The following EFEMP2 variants were observed in gnomAD, a reference collection of about 807,000 sequenced individuals.
EFEMP2 encodes the protein EGF-like fibulin extracellular matrix protein 2, also known as EGF-containing fibulin-like extracellular matrix protein 2.
A neutral mutation model predicts 55.3 loss-of-function variants in EFEMP2; 21 were observed. That is an observed-to-expected ratio of 0.38 (90% CI 0.27 to 0.55). The LOEUF (loss-of-function observed/expected upper bound fraction) is 0.55. Among genes scored for constraint, EFEMP2 ranks in the 20% least tolerant of loss-of-function variants. The pLI, the probability that EFEMP2 is intolerant of heterozygous loss-of-function variation, is 0.77. For synonymous variants in EFEMP2, 275 were observed against 242.3 expected (o/e 1.14, Z -1.25); for missense variants, 513 against 615.1 (o/e 0.83, Z 1.76).
intron 4 of EFEMP2, 103 bp from the exon 5 acceptor site, chr11:65,870,761 G>C (rs1045672378): frequency 1.7e-5 from 27 of 1,563,434 alleles, no homozygotes; most frequent in African/African-American, 2.7e-5. Flanking sequence ...GCACGCGTAA[G>C]AGTTCACCAG....
chr11:65,867,988 A>G lies in EFEMP2; in HGVS notation c.1043T>C (p.Met348Thr), dbSNP rs767935757. 2 of 1,614,096 alleles carry G rather than the reference A, an allele frequency of 1.2e-6. No homozygotes were observed. Among genetic ancestry groups the G allele is most frequent in the South Asian group, 1.1e-5 (1 of 91,088 alleles). ...CACGCTCCGCTCCGAGGTGATGGTC[A>G]TGTAGCGGTGCACAATGGATGAAGG... ...EQPSSIVHRY[M>T]TITSERSVPA... Residue 348 changes from methionine (M) to threonine (T), a missense_variant, in exon 10 of 11, where the codon ATG becomes ACG. Coordinates refer to ENST00000307998, the MANE Select transcript of EFEMP2 (RefSeq NM_016938.5).
intron 4 of EFEMP2, 29 bp downstream of exon 4, chr11:65,871,128 A>G (rs1859957476): frequency 6.2e-7 from 1 of 1,612,840 alleles, no homozygotes. Context: ...GAGGACTGGA[A>G]GCCAGGCACC....
chr11:65,870,426 G>A, intron 5 of EFEMP2, 110 bp downstream of exon 5: 2 of 1,537,974 alleles, frequency 1.3e-6, no homozygotes, highest in Non-Finnish European at 1.8e-6. Context: ...CGGAGGGTGA[G>A]GTGGCAGGGG....
chr11:65,870,726 A>G, intron 4 of EFEMP2, 68 bp from the exon 5 acceptor site: 2 of 1,609,838 alleles, frequency 1.2e-6, no homozygotes, highest in East Asian at 4.5e-5. Flanking sequence ...GATAGTTCCA[A>G]CACTTGTATT....
intron 9 of EFEMP2, 89 bp from the exon 10 acceptor site, chr11:65,868,145 G>T: frequency 6.4e-7 from 1 of 1,562,362 alleles, no homozygotes; most frequent in Middle Eastern, 2.2e-4. Flanking sequence ...ATCCCAAAAG[G>T]ACCCTTCTAC....
At position 65,866,867 on chromosome 11, in the gene EFEMP2, A is replaced by G. The variant is rs773616908; in HGVS notation, c.*51T>C. The stretch of plus-strand genomic sequence containing the variant: ...TGCCTTTCTCATTCTGCCCCTCACA[A>G]CAGGCTCCTCAGCTAGGGTAGCTGC... On this transcript the variant is annotated 3_prime_UTR_variant, in exon 11 of 11. Transcript: ENST00000307998. 1 of 1,608,704 alleles carries G rather than the reference A, an allele frequency of 6.2e-7. No individual in the cohort carries two copies. The highest frequency in any genetic ancestry group is 1.1e-5 in the South Asian group (1 of 90,760).
chr11:65,872,542 C>G, intron 1 of EFEMP2, 141 bp downstream of exon 1: 1 of 476,514 alleles, frequency 2.1e-6, no homozygotes, highest in Non-Finnish European at 3.7e-6. Context: ...CCCAGGCCCA[C>G]CCGCCCCGGC....
chr11:65,870,941 T>G (rs1435695635), intron 4 of EFEMP2: 12 of 715,878 alleles, frequency 1.7e-5, no homozygotes, highest in Non-Finnish European at 2.6e-5. Context: ...CTTCCTGCAG[T>G]GTCTCTGCAG....
intron 2 of EFEMP2, 41 bp downstream of exon 2, chr11:65,872,203 T>C: frequency 1.3e-6 from 2 of 1,533,730 alleles, no homozygotes; most frequent in East Asian, 2.4e-5. Flanking sequence ...TCTTCCTCCC[T>C]ACCCTTCCTG....
At position 65,872,452 on chromosome 11, in the gene EFEMP2, C is replaced by A. The variant is rs1019623554; in HGVS notation, c.-7-91G>T. On this transcript the variant is annotated intron_variant, in intron 1 of 10. Transcript: ENST00000307998. Reference sequence around the variant, plus strand: ...CCCGAGCCCAGCCCCCGCCACTGCCCGCTCAGGACCGTGCTTGGGCCTCGG... The same window carrying A: ...CCCGAGCCCAGCCCCCGCCACTGCCAGCTCAGGACCGTGCTTGGGCCTCGG... The A allele has an allele frequency of 1.5e-5, 13 of 883,304 alleles. No individual in the cohort carries two copies. In the Admixed American group the frequency reaches 1.9e-4, roughly 13 times the overall value. The allele number at this position is 883,304 out of a possible 1,614,324, so 54.7% of individuals were successfully genotyped here.
At chr11:65,870,420 G>T in intron 5 of EFEMP2, 116 bp downstream of exon 5, 2 of 1,523,362 alleles carry the variant, frequency 1.3e-6, no homozygotes, top group South Asian at 2.3e-5. Flanking sequence ...TGATGACGGA[G>T]GGTGAGGTGG....
At chr11:65,871,882 G>T in intron 3 of EFEMP2, 88 bp downstream of exon 3, 1 of 1,502,240 alleles carries the variant, frequency 6.7e-7, no homozygotes, top group Non-Finnish European at 9.1e-7. Context: ...TCCCACGGCA[G>T]TTCTTGGAGG....
intron 7 of EFEMP2, 122 bp from the exon 8 acceptor site, chr11:65,868,751 G>T: frequency 7.2e-7 from 1 of 1,383,122 alleles, no homozygotes; most frequent in Non-Finnish European, 1.0e-6. Flanking sequence ...AGAGGGGGAT[G>T]AGACAAGCCA....
rs769127200 is a variant in EFEMP2 at position 65,867,975 on chromosome 11, C to T, written c.1056G>A (p.Ser352=). Residue 352 remains serine, a synonymous_variant, in exon 10 of 11, where the codon TCG becomes TCA. Transcript: ENST00000307998. The part of the protein sequence containing the change: ...SIVHRYMTIT[S]ERSVPADVFQ... Reference sequence around the variant, plus strand: ...ACACGTCAGCGGGCACGCTCCGCTCCGAGGTGATGGTCATGTAGCGGTGCA... The same window carrying T: ...ACACGTCAGCGGGCACGCTCCGCTCTGAGGTGATGGTCATGTAGCGGTGCA... The T allele has an allele frequency of 2.7e-5, 43 of 1,614,054 alleles. No homozygotes were observed. In the South Asian group the frequency reaches 4.2e-4, roughly 16 times the overall value.
At position 65,872,401 on chromosome 11, in the gene EFEMP2, G is replaced by A. The variant is rs759308053; in HGVS notation, c.-7-40C>T. 4.3e-6 allele frequency: 6 copies of A among 1,402,076 alleles called. 1 individual carries two copies. The highest frequency in any genetic ancestry group is 2.5e-5 in the South Asian group (2 of 80,920). 86.9% of individuals were successfully genotyped at this position (1,402,076 alleles called of 1,614,324 possible). A position where few individuals can be genotyped will look rare whatever the true frequency, so the allele number is the denominator to read the frequency against. On this transcript the variant is annotated intron_variant, in intron 1 of 10. Coordinates refer to ENST00000307998, the MANE Select transcript of EFEMP2 (RefSeq NM_016938.5). ...ACACGGGTCAGGGGCCTCTGCCCGC[G>A]GCACCTCAACTCCCTGTACCGGGAG...
At chr11:65,870,379 C>T (rs1859944664) in intron 5 of EFEMP2, 142 bp from the exon 6 acceptor site, 1 of 1,420,706 alleles carries the variant, frequency 7.0e-7, no homozygotes, top group Non-Finnish European at 9.8e-7. Context: ...AGGACACCTC[C>T]CAAACACTCC....
rs1859957675 is a variant in EFEMP2 at position 65,871,147 on chromosome 11, C to T, written c.367+10G>A. 1 of 1,613,996 alleles carries T rather than the reference C, an allele frequency of 6.2e-7. No individual in the cohort carries two copies. The highest frequency in any genetic ancestry group is 8.5e-7 in the Non-Finnish European group (1 of 1,179,990). Reference sequence around the variant, plus strand: ...ACTGGAAGCCAGGCACCAGAGCAGTCCCCACTCACCCACACAGCTGTCCTG... The same window carrying T: ...ACTGGAAGCCAGGCACCAGAGCAGTTCCCACTCACCCACACAGCTGTCCTG... On this transcript the variant is annotated intron_variant, in intron 4 of 10. Transcript: ENST00000307998.
chr11:65,869,877 C>T lies in EFEMP2; in HGVS notation c.707G>A (p.Arg236Gln), dbSNP rs1859933484. 7 of 1,614,010 alleles carry T rather than the reference C, an allele frequency of 4.3e-6. No individual in the cohort carries two copies. The highest frequency in any genetic ancestry group is 5.1e-6 in the Non-Finnish European group (6 of 1,180,008). Residue 236 changes from arginine (R) to glutamine (Q), a missense_variant, in exon 7 of 11, where the codon CGG (arginine) becomes CAG (glutamine). By Grantham distance (43) the Arg-to-Gln change is conservative. Coordinates refer to ENST00000307998, the MANE Select transcript of EFEMP2 (RefSeq NM_016938.5). Reference protein sequence around the residue: ...CRCHQGYELHRDGFSCSDIDE... With the variant: ...CRCHQGYELHQDGFSCSDIDE... The stretch of plus-strand genomic sequence containing the variant: ...CTCACCACTGCAGGAGAAGCCATCC[C>T]GATGCAGCTCATAGCCCTGGTGGCA...
At position 65,868,587 on chromosome 11, in the gene EFEMP2, C is replaced by T. The variant is rs202124723; in HGVS notation, c.770G>A (p.Arg257His). The T allele has an allele frequency of 6.2e-6, 10 of 1,613,886 alleles. No homozygotes were observed. In the Admixed American group the frequency reaches 6.7e-5, roughly 11 times the overall value. The change falls in exon 8 of 11, where the codon CGC becomes CAC. Residue 257 changes from arginine to histidine, a missense_variant. By Grantham distance (29) the Arg-to-His change is conservative (BLOSUM62 0). Transcript: ENST00000307998. ...CSYSSYLCQY[R>H]CINEPGRFSC... ...GAAACGGCCTGGCTCGTTGATGCAGCGGTACTGACAGAGGTAGCTGGAGTA... is the reference window on the plus strand; with the variant it reads ...GAAACGGCCTGGCTCGTTGATGCAGTGGTACTGACAGAGGTAGCTGGAGTA...
Sources: allele counts gnomAD v4.1 joint callset, GRCh38; gene constraint gnomAD v4.1.1; transcripts MANE v1.5; gene names NCBI Gene and HGNC (gene_info 2026-07-23, HGNC 2026-07-21).